SNX29: variants seen among roughly 807,000 people sequenced by gnomAD.
SNX29 encodes the protein sorting nexin-29.
A neutral mutation model predicts 102.1 loss-of-function variants in SNX29; 78 were observed. The ratio of observed to expected loss-of-function variants is 0.76; its 90% CI spans 0.64 to 0.92. The LOEUF (loss-of-function observed/expected upper bound fraction) is 0.92. Among genes scored for constraint, SNX29 ranks in the 40% least tolerant of loss-of-function variants. The pLI is 0.00. For synonymous variants in SNX29, 580 were observed against 414.5 expected (o/e 1.40, Z -4.85); for missense variants, 1,280 against 1,061.7 (o/e 1.21, Z -2.86).
At chr16:12,028,046 G>A (rs1445107276) in intron 4 of SNX29, among the ~76,000 whole-genome samples, 1 of 152,190 alleles carries the variant, frequency 6.6e-6, no homozygotes, top group East Asian at 1.9e-4. Flanking sequence ...CTGCTTTGGA[G>A]CTGAACCTTG....
chr16:12,421,488 TTTGA>T lies in SNX29; in HGVS notation c.2037+17962_2037+17965del, dbSNP rs369804818. On this transcript the variant is annotated intron_variant, in intron 18 of 20. Transcript: ENST00000566228. ...GGAAATATTCCTAGATCTTTCTTGA[TTTGA>T]TTTCCCTTAACACATATAGGGTGTT... Among the ~76,000 whole-genome samples, 100 of 152,340 alleles carry T rather than the reference TTTGA, an allele frequency of 6.6e-4. No homozygotes were observed. The East Asian group carries it at 0.014, about 21-fold the overall frequency.
intron 11 of SNX29, among the ~76,000 whole-genome samples, chr16:12,115,485 TTGTGTGTG>T (rs3222983): frequency 1.2e-4 from 17 of 141,966 alleles, no homozygotes; most frequent in African/African-American, 4.2e-4. Flanking sequence ...CCACCTTGAT[TTGTGTGTG>T]TGTGTGTGTG....
chr16:12,104,543 G>T (rs868450508), intron 11 of SNX29, among the ~76,000 whole-genome samples: 2 of 151,720 alleles, frequency 1.3e-5, no homozygotes, highest in Non-Finnish European at 1.5e-5. Flanking sequence ...GTGACAGAGC[G>T]AGACTCCATC....
Position 12,377,312 on chromosome 16 carries a change from C to G in SNX29, c.1899+21033C>G, listed in dbSNP as rs76788760. ...TGTCTCTTTCATGTCACTTGTCCTTCGTGAAGTTGGCTGGGCCACTGCTCT... is the reference window on the plus strand; with the variant it reads ...TGTCTCTTTCATGTCACTTGTCCTTGGTGAAGTTGGCTGGGCCACTGCTCT... On this transcript the variant is annotated intron_variant, in intron 16 of 20. Transcript: ENST00000566228. Among the ~76,000 whole-genome samples the G allele has an allele frequency of 1.5e-3, 232 of 152,300 alleles. 7 individuals carry two copies. In the East Asian group the frequency reaches 0.039, roughly 26 times the overall value.
intron 1 of SNX29, among the ~76,000 whole-genome samples, chr16:11,993,372 G>A (rs2055929010): frequency 6.6e-6 from 1 of 151,940 alleles, no homozygotes; most frequent in Admixed American, 6.6e-5. Flanking sequence ...CATCTCCCAG[G>A]GCAGCAAACA....
chr16:12,032,621 A>G (rs1220554000), intron 4 of SNX29, among the ~76,000 whole-genome samples: 8 of 152,164 alleles, frequency 5.3e-5, no homozygotes, highest in Admixed American at 6.6e-5. Context: ...TGTGAATGGT[A>G]CTGCTGTGAA....
chr16:12,228,057 C>T (rs1303367900), intron 14 of SNX29, among the ~76,000 whole-genome samples: 1 of 152,150 alleles, frequency 6.6e-6, no homozygotes, highest in Non-Finnish European at 1.5e-5. Context: ...AGGAGGATCA[C>T]TTCAGCCCAG....
chr16:12,403,828 A>G (rs2084057717), intron 18 of SNX29, among the ~76,000 whole-genome samples: 1 of 152,164 alleles, frequency 6.6e-6, no homozygotes, highest in Admixed American at 6.5e-5. Context: ...TTGCATCTGA[A>G]AAGTCCAGTG....
chr16:12,013,500 A>AAAAAAATATATATATATATATATAT, intron 3 of SNX29, among the ~76,000 whole-genome samples: 1 of 31,626 alleles, frequency 3.2e-5, no homozygotes, highest in Non-Finnish European at 6.1e-5. Flanking sequence ...AAAAAAAAAA[A>AAAAAAATATATATATATATATATAT]ATATATATAT....
chr16:12,053,133 A>C (rs749865658), intron 8 of SNX29: 11 of 151,992 alleles, frequency 7.2e-5, no homozygotes, highest in African/African-American at 1.2e-4. Flanking sequence ...TCTACGTATA[A>C]AAAAATACAA....
chr16:12,383,106 C>G (rs566163756), intron 16 of SNX29, among the ~76,000 whole-genome samples: 2 of 152,286 alleles, frequency 1.3e-5, no homozygotes, highest in East Asian at 3.9e-4. Context: ...TGAAGACATT[C>G]TCAATATAAG....
rs764220774 is a variant in SNX29 at position 12,048,487 on chromosome 16, C to CT, written c.617dup (p.Leu206PhefsTer29). ...AGGAGTCAACGCAGAACGTGACCTCCTTGCTGAAGGAGTCCACGCAAGGAG... is the reference window on the plus strand; with the variant it reads ...AGGAGTCAACGCAGAACGTGACCTCCTTTGCTGAAGGAGTCCACGCAAGGAG... On this transcript the variant is annotated frameshift_variant, in exon 7 of 21. Coordinates refer to ENST00000566228, the MANE Select transcript of SNX29 (RefSeq NM_032167.5). LOFTEE classifies it high-confidence loss of function. The CT allele has an allele frequency of 3.1e-6, 5 of 1,613,902 alleles. No homozygotes were observed.
At chr16:12,002,896 C>T in intron 2 of SNX29, 95 bp from the exon 3 acceptor site, 1 of 1,400,934 alleles carries the variant, frequency 7.1e-7, no homozygotes, top group Admixed American at 1.8e-5. Context: ...GTCCCGTGTC[C>T]CCTCCCTGAC....
chr16:12,571,725 G>A lies in SNX29; in HGVS notation c.*3096G>A. On this transcript the variant is annotated 3_prime_UTR_variant, in exon 21 of 21. Coordinates refer to ENST00000566228, the MANE Select transcript of SNX29 (RefSeq NM_032167.5). ...AAGCTTCTAAGGGAGGGAGCTTAAA[G>A]GCTGCTAGAAACCTAGCCCAACCAT... 1.0e-5 allele frequency: 11 copies of A among 1,050,082 alleles called. No homozygotes were observed. The highest frequency in any genetic ancestry group is 1.3e-5 in the Non-Finnish European group (11 of 866,582). 65.0% of individuals were successfully genotyped at this position (1,050,082 alleles called of 1,614,324 possible). A position where few individuals can be genotyped will look rare whatever the true frequency, so the allele number is the denominator to read the frequency against.
intron 20 of SNX29, chr16:12,546,149 C>G (rs958521223): frequency 1.3e-5 from 2 of 152,176 alleles, no homozygotes; most frequent in Non-Finnish European, 2.9e-5. Context: ...CTAATAACCT[C>G]CACCTGGTAA....
intron 14 of SNX29, among the ~76,000 whole-genome samples, chr16:12,253,931 T>C (rs1348444634): frequency 1.3e-5 from 2 of 151,882 alleles, no homozygotes; most frequent in Non-Finnish European, 2.9e-5. Flanking sequence ...GTGAGAATGG[T>C]AAGAAGTGGC....
intron 14 of SNX29, among the ~76,000 whole-genome samples, chr16:12,269,675 G>T (rs564383829): frequency 2.6e-5 from 4 of 152,166 alleles, no homozygotes; most frequent in Admixed American, 6.5e-5. Flanking sequence ...GGCAGAAATT[G>T]TTAATGCATT....
intron 16 of SNX29, among the ~76,000 whole-genome samples, chr16:12,372,326 G>T (rs1287795938): frequency 6.6e-6 from 1 of 152,196 alleles, no homozygotes; most frequent in Admixed American, 6.5e-5. Flanking sequence ...GCCCCTAGTG[G>T]CGCTGTCAAT....
intron 20 of SNX29, among the ~76,000 whole-genome samples, chr16:12,538,668 TCTTTCATCCTC>T (rs1415615877): frequency 6.6e-6 from 1 of 152,132 alleles, no homozygotes; most frequent in Non-Finnish European, 1.5e-5. Context: ...GATCCACAGA[TCTTTCATCCTC>T]CTCCCAGGAC....
Sources: gnomAD v4.1 joint callset for allele counts (sites outside exome capture counted in the v4.1 genomes callset) on GRCh38, gnomAD v4.1.1 for gene constraint, MANE v1.5 for transcripts, NCBI Gene and HGNC (gene_info 2026-07-23, HGNC 2026-07-21) for gene names.